ANK3: variants seen among roughly 807,000 people sequenced by gnomAD.
ANK3 encodes ankyrin-3.
ANK3 carries 57 observed loss-of-function variants against 370.9 expected under a neutral mutation model. The ratio of observed to expected loss-of-function variants is 0.15; its 90% CI spans 0.12 to 0.19. The LOEUF (loss-of-function observed/expected upper bound fraction) is 0.19, where lower values mean the gene tolerates loss of function less well. ANK3 is among the 10% of genes least tolerant of loss of function. ANK3 has a pLI of 1.00. For synonymous variants in ANK3, 1,929 were observed against 1,946.3 expected (o/e 0.99, Z 0.23); for missense variants, 4,439 against 5,302.1 (o/e 0.84, Z 5.06).
intron 1 of ANK3, among the ~76,000 whole-genome samples, chr10:60,335,198 G>T (rs767545299): frequency 5.3e-5 from 8 of 152,094 alleles, no homozygotes; most frequent in Non-Finnish European, 1.0e-4. Context: ...GGATGCTCAA[G>T]AACAAGAATG....
At chr10:60,638,233 T>C (rs2078581637) in intron 1 of ANK3, among the ~76,000 whole-genome samples, 1 of 152,170 alleles carries the variant, frequency 6.6e-6, no homozygotes, top group South Asian at 2.1e-4. Flanking sequence ...GGTTTACAAA[T>C]AATTCATGTT....
intron 7 of ANK3, among the ~76,000 whole-genome samples, chr10:60,241,742 T>C (rs1179733252): frequency 1.3e-5 from 2 of 152,182 alleles, no homozygotes; most frequent in East Asian, 1.9e-4. Flanking sequence ...GATTAACCAA[T>C]ACTTTTTTTT....
intron 43 of ANK3, among the ~76,000 whole-genome samples, chr10:60,032,623 T>C (rs568515171): frequency 2.0e-5 from 3 of 152,304 alleles, no homozygotes; most frequent in African/African-American, 7.2e-5. Flanking sequence ...GCAAGGCCTT[T>C]CTCTTCTCAC....
chr10:60,451,817 TGA>T (rs1423196408), intron 2 of ANK3, among the ~76,000 whole-genome samples: 2 of 152,158 alleles, frequency 1.3e-5, no homozygotes, highest in Non-Finnish European at 2.9e-5. Flanking sequence ...AGGCCTAGCC[TGA>T]GAGAGAAAAG....
intron 1 of ANK3, among the ~76,000 whole-genome samples, chr10:60,634,589 T>C (rs1194598639): frequency 1.3e-5 from 2 of 151,856 alleles, no homozygotes; most frequent in Non-Finnish European, 2.9e-5. Flanking sequence ...TGGGGCCAAA[T>C]AAGGGAATAA....
chr10:60,079,403 T>C (rs903492708), intron 36 of ANK3, among the ~76,000 whole-genome samples: 2 of 152,182 alleles, frequency 1.3e-5, no homozygotes, highest in African/African-American at 2.4e-5. Flanking sequence ...ACTTCTCTAA[T>C]AGTCAAGGAG....
chr10:60,656,442 T>TA lies in ANK3; in HGVS notation c.58-41219dup, dbSNP rs200192175. Among the ~76,000 whole-genome samples the TA allele has an allele frequency of 2.1e-3, 323 of 151,810 alleles. 2 individuals carry two copies. Among genetic ancestry groups the TA allele is most frequent in the African/African-American group, 7.1e-3 (294 of 41,438 alleles). On this transcript the variant is annotated intron_variant, in intron 1 of 43. Coordinates refer to the ANK3 transcript ENST00000373827. ...GAGATTCATCAATGCTACTATCTTT[T>TA]AAAAAAAAATCCACTTTTGGTTTCA...
intron 1 of ANK3, among the ~76,000 whole-genome samples, chr10:60,668,115 C>T (rs1379419958): frequency 6.6e-6 from 1 of 151,388 alleles, no homozygotes; most frequent in East Asian, 1.9e-4. Flanking sequence ...TGACCGATTC[C>T]AAATAATCTC....
At chr10:60,393,284 C>T (rs1402894145), upstream of ANK3, among the ~76,000 whole-genome samples, 1 of 152,190 alleles carries the variant, frequency 6.6e-6, no homozygotes, top group East Asian at 1.9e-4. Context: ...AGCCACCATA[C>T]TGCCCCAAAG....
chr10:60,316,085 C>T (rs1005626653), intron 1 of ANK3, among the ~76,000 whole-genome samples: 1 of 152,080 alleles, frequency 6.6e-6, no homozygotes, highest in Non-Finnish European at 1.5e-5. Flanking sequence ...TCAAGGTTCC[C>T]CTGTGCCACA....
chr10:60,187,756 C>T (rs1416784703), intron 16 of ANK3, among the ~76,000 whole-genome samples: 1 of 152,140 alleles, frequency 6.6e-6, no homozygotes, highest in African/African-American at 2.4e-5. Flanking sequence ...TTGATTTCCT[C>T]TTTTACAAAA....
At chr10:60,726,941 A>T (rs941830831) in intron 1 of ANK3, among the ~76,000 whole-genome samples, 4 of 152,152 alleles carry the variant, frequency 2.6e-5, no homozygotes, top group Non-Finnish European at 4.4e-5. Context: ...AATTGCATTT[A>T]AAAAATTCTC....
At chr10:60,690,594 A>C (rs1171888063) in intron 1 of ANK3, among the ~76,000 whole-genome samples, 1 of 152,110 alleles carries the variant, frequency 6.6e-6, no homozygotes, top group East Asian at 1.9e-4. Flanking sequence ...ATAAATGAGG[A>C]TTTTGTTGTG....
At chr10:60,653,189 T>C (rs929130800) in intron 1 of ANK3, among the ~76,000 whole-genome samples, 2 of 152,182 alleles carry the variant, frequency 1.3e-5, no homozygotes, top group Non-Finnish European at 2.9e-5. Flanking sequence ...CTTGTAGTCA[T>C]GCTTTTTGTG....
At chr10:60,239,717 A>G (rs192359184) in intron 7 of ANK3, among the ~76,000 whole-genome samples, 7 of 152,154 alleles carry the variant, frequency 4.6e-5, no homozygotes, top group African/African-American at 1.7e-4. Context: ...GGTAAGTAAA[A>G]GAGATAACGG....
chr10:60,685,239 G>T, intron 1 of ANK3: 2 of 301,406 alleles, frequency 6.6e-6, no homozygotes, highest in African/African-American at 2.2e-5. Context: ...GATTTGTAGA[G>T]GATGAGTAAA....
intron 23 of ANK3, among the ~76,000 whole-genome samples, chr10:60,151,437 A>G (rs140165618): frequency 3.6e-4 from 55 of 152,298 alleles, no homozygotes; most frequent in African/African-American, 1.2e-3. Flanking sequence ...ATTCATTCAT[A>G]CTGTTGTATA....
rs2086772098 is a variant in ANK3 at position 60,086,718 on chromosome 10, C to T, written c.3707G>A (p.Gly1236Glu). Reference sequence around the variant, plus strand: ...AAGACGCAGATTGGGTGTAGTGTCCCCTTTGTATCCATTGGATACACCTTC... The same window carrying T: ...AAGACGCAGATTGGGTGTAGTGTCCTCTTTGTATCCATTGGATACACCTTC... ...SGEGVSNGYKGDTTPNLRLLC... is the reference protein window; with the variant it reads ...SGEGVSNGYKEDTTPNLRLLC... The change falls in exon 30 of 44, where the codon GGG becomes GAG. Residue 1236 changes from glycine (G) to glutamate (E), a missense_variant. This residue lies in a region of ANK3 where 702 missense variants were observed against 941.5 expected (regional missense o/e 0.75). Transcript: ENST00000280772. 1 of 1,613,680 alleles carries T rather than the reference C, an allele frequency of 6.2e-7. No individual in the cohort carries two copies. Among genetic ancestry groups the T allele is most frequent in the African/African-American group, 1.3e-5 (1 of 74,818 alleles).
chr10:60,626,958 G>A (rs574589519), intron 1 of ANK3, among the ~76,000 whole-genome samples: 16 of 152,086 alleles, frequency 1.1e-4, no homozygotes, highest in Non-Finnish European at 1.9e-4. Flanking sequence ...GCGGGATCAT[G>A]AGATTGGAGG....
Sources: allele counts gnomAD v4.1 joint callset (sites outside exome capture counted in the v4.1 genomes callset), GRCh38; gene constraint gnomAD v4.1.1; regional missense constraint gnomAD v4.1.1; transcripts MANE v1.5; gene names NCBI Gene and HGNC (gene_info 2026-07-23, HGNC 2026-07-21).